Variants in NRXN3 observed in about 807,000 individuals in gnomAD.
The protein encoded by NRXN3 is neurexin III.
In NRXN3, 32 loss-of-function variants were observed where a neutral mutation model predicts 137.6. The observed-to-expected ratio is 0.23, with a 90% CI of 0.18 to 0.31. The LOEUF (loss-of-function observed/expected upper bound fraction) is 0.31. NRXN3 is among the 10% of genes least tolerant of loss of function. The probability of loss-of-function intolerance (pLI) is 1.00; values close to 1 mark genes in which losing one functional copy is unlikely to be tolerated. For missense variants in NRXN3, 1,574 were observed against 2,062.5 expected (o/e 0.76, Z 4.59); for synonymous variants, 798 against 784.5 (o/e 1.02, Z -0.29).
intron 2 of NRXN3, among the ~76,000 whole-genome samples, chr14:78,252,637 G>A (rs187575804): frequency 5.5e-4 from 83 of 152,288 alleles, no homozygotes; most frequent in Admixed American, 4.5e-3. Context: ...TTAGAAGACG[G>A]AGTCCCAACA....
chr14:79,705,217 T>C (rs995664384), intron 19 of NRXN3, among the ~76,000 whole-genome samples: 2 of 152,028 alleles, frequency 1.3e-5, no homozygotes, highest in Admixed American at 1.3e-4. Flanking sequence ...CGGGTGGAGG[T>C]CCCTGAGTGT....
chr14:79,349,001 A>G (rs1050983018), intron 15 of NRXN3, among the ~76,000 whole-genome samples: 5 of 152,168 alleles, frequency 3.3e-5, no homozygotes, highest in East Asian at 1.9e-4. Flanking sequence ...GTCACTTTTT[A>G]TGGATTTATT....
chr14:78,345,540 G>C (rs940143289), intron 4 of NRXN3, among the ~76,000 whole-genome samples: 2 of 152,142 alleles, frequency 1.3e-5, no homozygotes, highest in Admixed American at 1.3e-4. Context: ...CAAGGGACTT[G>C]GGGGCTCCCA....
At chr14:78,934,328 G>A (rs2099329707) in intron 10 of NRXN3, among the ~76,000 whole-genome samples, 1 of 152,154 alleles carries the variant, frequency 6.6e-6, no homozygotes, top group African/African-American at 2.4e-5. Context: ...TTTCATTAAA[G>A]GAAAGTGTCC....
chr14:78,818,239 G>C (rs962252131), intron 10 of NRXN3, among the ~76,000 whole-genome samples: 2 of 151,984 alleles, frequency 1.3e-5, no homozygotes, highest in Admixed American at 1.3e-4. Flanking sequence ...TGCCAGTACA[G>C]CCTAAAATTT....
At chr14:78,602,267 C>CTTTTT (rs370669288) in intron 4 of NRXN3, among the ~76,000 whole-genome samples, 12 of 115,260 alleles carry the variant, frequency 1.0e-4, no homozygotes, top group African/African-American at 2.9e-4. Context: ...TCACATTAGC[C>CTTTTT]TTTTTTTTTT....
At chr14:78,646,594 AATGGT>A (rs1239057754) in intron 5 of NRXN3, among the ~76,000 whole-genome samples, 19 of 152,178 alleles carry the variant, frequency 1.2e-4, no homozygotes, top group African/African-American at 3.6e-4. Flanking sequence ...ATACTAAACA[AATGGT>A]ATAGGCTGGC....
chr14:78,978,387 C>T (rs977355729), intron 14 of NRXN3, among the ~76,000 whole-genome samples: 6 of 152,164 alleles, frequency 3.9e-5, no homozygotes, highest in African/African-American at 1.2e-4. Context: ...CTAGAGTATT[C>T]GCGTCTCAGT....
chr14:78,666,769 T>C (rs2097890369), intron 6 of NRXN3, among the ~76,000 whole-genome samples: 1 of 152,134 alleles, frequency 6.6e-6, no homozygotes, highest in Non-Finnish European at 1.5e-5. Context: ...ACCTCTGTTC[T>C]CTCTGCTTTC....
chr14:79,850,894 A>G (rs1424401928), intron 20 of NRXN3, among the ~76,000 whole-genome samples: 1 of 152,208 alleles, frequency 6.6e-6, no homozygotes, highest in Non-Finnish European at 1.5e-5. Context: ...TATTCAGGCT[A>G]TGTTGGCTTC....
intron 16 of NRXN3, among the ~76,000 whole-genome samples, chr14:79,652,574 G>A (rs142924390): frequency 6.6e-6 from 1 of 152,194 alleles, no homozygotes; most frequent in East Asian, 1.9e-4. Flanking sequence ...ATTAAAATTA[G>A]GAGATGTGTT....
intron 19 of NRXN3, among the ~76,000 whole-genome samples, chr14:79,779,536 G>A (rs2099107429): frequency 6.6e-6 from 1 of 152,106 alleles, no homozygotes; most frequent in African/African-American, 2.4e-5. Flanking sequence ...GACTTTGGGG[G>A]TTTTGTTTAA....
At chr14:78,286,708 G>A (rs1304734405) in intron 3 of NRXN3, among the ~76,000 whole-genome samples, 4 of 152,174 alleles carry the variant, frequency 2.6e-5, no homozygotes, top group Non-Finnish European at 4.4e-5. Context: ...GAGATGGAGG[G>A]CAGGGCAGAG....
intron 15 of NRXN3, among the ~76,000 whole-genome samples, chr14:79,456,791 G>A (rs2096264407): frequency 6.6e-6 from 1 of 151,682 alleles, no homozygotes; most frequent in Non-Finnish European, 1.5e-5. Context: ...GGAGAGGAGA[G>A]GATAGGAGAG....
intron 8 of NRXN3, among the ~76,000 whole-genome samples, chr14:78,797,114 G>A (rs2098824248): frequency 6.6e-6 from 1 of 152,144 alleles, no homozygotes; most frequent in African/African-American, 2.4e-5. Flanking sequence ...CTCACAGGAA[G>A]GCAAGCCAAA....
chr14:79,073,431 C>T (rs576747925), intron 15 of NRXN3, among the ~76,000 whole-genome samples: 6 of 152,116 alleles, frequency 3.9e-5, no homozygotes, highest in Admixed American at 3.3e-4. Context: ...TTTTCTTACA[C>T]ACATTGCATT....
intron 16 of NRXN3, among the ~76,000 whole-genome samples, chr14:79,474,640 C>G (rs1219192925): frequency 6.6e-6 from 1 of 152,044 alleles, no homozygotes; most frequent in African/African-American, 2.4e-5. Context: ...GTCTCTATCC[C>G]TGTTACAAGA....
intron 4 of NRXN3, among the ~76,000 whole-genome samples, chr14:78,644,000 G>A (rs1212250269): frequency 2.0e-5 from 3 of 151,952 alleles, no homozygotes; most frequent in Non-Finnish European, 4.4e-5. Flanking sequence ...AGTTAGTCGG[G>A]CGTGTTGTCA....
intron 4 of NRXN3, among the ~76,000 whole-genome samples, chr14:78,516,626 G>T (rs1211293244): frequency 6.6e-6 from 1 of 151,924 alleles, no homozygotes; most frequent in African/African-American, 2.4e-5. Context: ...TAAAATTCTA[G>T]GTCTGTGTCC....
Sources: allele counts gnomAD v4.1 joint callset (sites outside exome capture counted in the v4.1 genomes callset), GRCh38; gene constraint gnomAD v4.1.1; transcripts MANE v1.5; gene names NCBI Gene and HGNC (gene_info 2026-07-23, HGNC 2026-07-21).